Variants in TFPI observed in about 807,000 individuals in gnomAD.
TFPI encodes the protein anti-convertin.
Under a neutral mutation model 34.6 loss-of-function variants are expected in TFPI, and 15 were observed. The ratio of observed to expected loss-of-function variants is 0.43; its 90% CI spans 0.29 to 0.67. TFPI has a LOEUF of 0.67. Among genes scored for constraint, TFPI ranks in the 30% least tolerant of loss-of-function variants. TFPI has a pLI of 0.15. For missense variants in TFPI, 301 were observed against 364.0 expected (o/e 0.83, Z 1.41); for synonymous variants, 105 against 120.1 (o/e 0.87, Z 0.82).
intron 1 of TFPI, among the ~76,000 whole-genome samples, chr2:187,546,149 A>G (rs1357270454): frequency 6.6e-6 from 1 of 152,150 alleles, no homozygotes; most frequent in East Asian, 1.9e-4. Context: ...AAAGGAAATA[A>G]TGCCAATGTT....
chr2:187,485,112 A>G (rs1337323236), intron 4 of TFPI, 125 bp from the exon 5 acceptor site: 1 of 680,840 alleles, frequency 1.5e-6, no homozygotes, highest in Non-Finnish European at 2.1e-6. Flanking sequence ...AAAAGTAAAA[A>G]TCTAACTTTA....
intron 4 of TFPI, among the ~76,000 whole-genome samples, chr2:187,485,921 C>T (rs1458547281): frequency 6.6e-6 from 1 of 151,594 alleles, no homozygotes; most frequent in Non-Finnish European, 1.5e-5. Flanking sequence ...CTTAAAGCAA[C>T]TTGTTCTTCT....
At chr2:187,531,195 T>G (rs972863047) in intron 1 of TFPI, among the ~76,000 whole-genome samples, 1 of 152,126 alleles carries the variant, frequency 6.6e-6, no homozygotes, top group Non-Finnish European at 1.5e-5. Context: ...TGGTATAGAG[T>G]TCTACAGAGG....
intron 1 of TFPI, among the ~76,000 whole-genome samples, chr2:187,537,130 A>C (rs748039351): frequency 6.6e-6 from 1 of 152,162 alleles, no homozygotes; most frequent in Non-Finnish European, 1.5e-5. Flanking sequence ...TGGATAAGAA[A>C]AATCAATATC....
chr2:187,504,470 T>A (rs1686061031), intron 1 of TFPI, among the ~76,000 whole-genome samples: 1 of 151,104 alleles, frequency 6.6e-6, no homozygotes, highest in Non-Finnish European at 1.5e-5. Flanking sequence ...CTCTAAGTGA[T>A]AAGCCATCAC....
rs566197383 is a variant in TFPI at position 187,554,392 on chromosome 2, A to G, written c.-195T>C. 5.3e-5 allele frequency: 8 copies of G among 152,342 alleles called. No homozygotes were observed. The highest frequency in any genetic ancestry group is 1.9e-4 in the African/African-American group (8 of 41,590). The allele number at this position is 152,342 out of a possible 1,614,324, so 9.4% of individuals were successfully genotyped here. On this transcript the variant is annotated 5_prime_UTR_variant, in exon 1 of 8. Transcript: ENST00000233156. ...TGATCTTACTAGCAGTGAAAGAGCG[A>G]GGTAAGAATTTGACTATTATCCAGC...
At chr2:187,483,246 ACT>A (rs1041755751) in intron 6 of TFPI, among the ~76,000 whole-genome samples, 39 of 150,482 alleles carry the variant, frequency 2.6e-4, no homozygotes, top group African/African-American at 9.0e-4. Context: ...TGGCCCAAAC[ACT>A]GTTTCTTTTT....
At chr2:187,484,043 A>ACATACTTCT (rs1693070357) in intron 6 of TFPI, 81 bp downstream of exon 6, 2 of 1,107,368 alleles carry the variant, frequency 1.8e-6, no homozygotes, top group African/African-American at 3.1e-5. Context: ...ATATTTAAAG[A>ACATACTTCT]CATACTTCTA....
chr2:187,497,181 A>C, intron 2 of TFPI, 103 bp from the exon 3 acceptor site: 1 of 1,032,794 alleles, frequency 9.7e-7, no homozygotes, highest in South Asian at 1.7e-5. Flanking sequence ...GAAAAGTACA[A>C]TAAAACATAC....
At chr2:187,487,561 T>C (rs1334081476) in intron 4 of TFPI, among the ~76,000 whole-genome samples, 1 of 151,462 alleles carries the variant, frequency 6.6e-6, no homozygotes, top group African/African-American at 2.4e-5. Flanking sequence ...CAATTTAATC[T>C]CTTTGTTCAA....
intron 1 of TFPI, among the ~76,000 whole-genome samples, chr2:187,522,965 G>A (rs896673041): frequency 1.3e-5 from 2 of 151,558 alleles, no homozygotes; most frequent in Non-Finnish European, 2.9e-5. Flanking sequence ...AACTTTGGAA[G>A]GTGTTGAATA....
intron 1 of TFPI, among the ~76,000 whole-genome samples, chr2:187,548,542 T>A (rs1688978826): frequency 6.6e-6 from 1 of 152,046 alleles, no homozygotes; most frequent in Admixed American, 6.6e-5. Flanking sequence ...TCATCCATGG[T>A]CTCCCCATGT....
chr2:187,484,324 C>A, intron 5 of TFPI, 108 bp from the exon 6 acceptor site: 1 of 795,008 alleles, frequency 1.3e-6, no homozygotes, highest in Non-Finnish European at 2.0e-6. Context: ...CAATTTCATT[C>A]ACATTGCTAT....
intron 1 of TFPI, among the ~76,000 whole-genome samples, chr2:187,510,802 G>A (rs1686572188): frequency 6.6e-6 from 1 of 152,166 alleles, no homozygotes; most frequent in South Asian, 2.1e-4. Flanking sequence ...GACCTCCTTA[G>A]AGTTGTAGGC....
At chr2:187,497,177 T>A in intron 2 of TFPI, 99 bp from the exon 3 acceptor site, 1 of 1,100,028 alleles carries the variant, frequency 9.1e-7, no homozygotes, top group Non-Finnish European at 1.3e-6. Flanking sequence ...TAAGGAAAAG[T>A]ACAATAAAAC....
At chr2:187,497,106 A>T (rs575343935) in intron 2 of TFPI, 28 bp from the exon 3 acceptor site, 2 of 1,574,280 alleles carry the variant, frequency 1.3e-6, no homozygotes, top group East Asian at 2.3e-5. Flanking sequence ...AAGATATAAC[A>T]TGTAATCTCC....
intron 6 of TFPI, among the ~76,000 whole-genome samples, chr2:187,481,540 A>G (rs1692853807): frequency 6.6e-6 from 1 of 151,930 alleles, no homozygotes; most frequent in East Asian, 1.9e-4. Context: ...TTTAAGAAGA[A>G]TGGCAACATA....
intron 1 of TFPI, among the ~76,000 whole-genome samples, chr2:187,538,965 T>C (rs186490798): frequency 2.0e-5 from 3 of 152,272 alleles, no homozygotes; most frequent in Admixed American, 2.0e-4. Context: ...GGTCTAATAT[T>C]TAAACATTTG....
chr2:187,524,248 T>C (rs1188275685), intron 1 of TFPI, among the ~76,000 whole-genome samples: 1 of 152,064 alleles, frequency 6.6e-6, no homozygotes, highest in Non-Finnish European at 1.5e-5. Flanking sequence ...TAGGTTTGCA[T>C]TTCTCTTGGG....
Sources: gnomAD v4.1 joint callset for allele counts (sites outside exome capture counted in the v4.1 genomes callset) on GRCh38, gnomAD v4.1.1 for gene constraint, MANE v1.5 for transcripts, NCBI Gene and HGNC (gene_info 2026-07-23, HGNC 2026-07-21) for gene names.